Variants in SCHIP1 observed in about 807,000 individuals in gnomAD.
SCHIP1 encodes the protein schwannomin-interacting protein 1.
A neutral mutation model predicts 29.7 loss-of-function variants in SCHIP1; 8 were observed. The ratio of observed to expected loss-of-function variants is 0.27; its 90% CI spans 0.16 to 0.49. The LOEUF (loss-of-function observed/expected upper bound fraction) is 0.49. SCHIP1 is among the 20% of genes least tolerant of loss of function. The pLI is 0.99. For missense variants in SCHIP1, 193 were observed against 294.6 expected (o/e 0.66, Z 2.52); for synonymous variants, 76 against 94.9 (o/e 0.80, Z 1.16).
exon 1 of SCHIP1, chr3:159,840,062 T>A: frequency 1.8e-5 from 27 of 1,500,286 alleles, no homozygotes; most frequent in Non-Finnish European, 2.4e-5. Flanking sequence ...TCCATTTTAA[T>A]CTGCGGGGAG....
At chr3:159,822,576 G>T in the SCHIP1 span, among the ~76,000 whole-genome samples, 1 of 150,876 alleles carries the variant, frequency 6.6e-6, no homozygotes, top group Non-Finnish European at 1.5e-5. Context: ...CCAAAATTTT[G>T]CAGGGACCAT....
At chr3:159,550,868 GAGA>G in the SCHIP1 span, among the ~76,000 whole-genome samples, 1 of 152,116 alleles carries the variant, frequency 6.6e-6, no homozygotes, top group African/African-American at 2.4e-5. Flanking sequence ...CAGCCTCAAT[GAGA>G]AATTAATGTC....
the SCHIP1 span, among the ~76,000 whole-genome samples, chr3:159,373,484 A>ATTATT: frequency 2.2e-4 from 33 of 152,146 alleles, no homozygotes; most frequent in African/African-American, 7.2e-4. Context: ...ATAATACATT[A>ATTATT]TTATTTATTG....
At chr3:159,307,507 A>C in the SCHIP1 span, among the ~76,000 whole-genome samples, 1 of 152,222 alleles carries the variant, frequency 6.6e-6, no homozygotes, top group East Asian at 1.9e-4. Context: ...TGGGTAGAAA[A>C]ACTGTGGCTT....
At chr3:159,315,197 C>CTTTT in the SCHIP1 span, among the ~76,000 whole-genome samples, 1 of 91,084 alleles carries the variant, frequency 1.1e-5, no homozygotes, top group African/African-American at 4.5e-5. Flanking sequence ...TTTAGGACTT[C>CTTTT]TTTTTTTTTT....
At chr3:159,286,050 A>G in the SCHIP1 span, among the ~76,000 whole-genome samples, 1 of 151,964 alleles carries the variant, frequency 6.6e-6, no homozygotes, top group Admixed American at 6.6e-5. Context: ...TATTTTATTC[A>G]TTGTGTTTAT....
chr3:159,828,470 T>TATAC, the SCHIP1 span, among the ~76,000 whole-genome samples: 1 of 141,246 alleles, frequency 7.1e-6, no homozygotes. Flanking sequence ...TATGTATATA[T>TATAC]ACACACACAT....
At chr3:159,496,833 T>C in the SCHIP1 span, among the ~76,000 whole-genome samples, 1 of 152,116 alleles carries the variant, frequency 6.6e-6, no homozygotes, top group African/African-American at 2.4e-5. Context: ...CTATTCACAA[T>C]AGCAAAGACT....
At chr3:159,882,859 GC>G (rs764394720) in intron 2 of SCHIP1, among the ~76,000 whole-genome samples, 17 of 152,292 alleles carry the variant, frequency 1.1e-4, no homozygotes, top group Middle Eastern at 3.4e-3. Context: ...TGGTTGCTGT[GC>G]AGCCTCCCGA....
chr3:159,837,488 C>T (rs1743775267), upstream of SCHIP1, among the ~76,000 whole-genome samples: 1 of 152,120 alleles, frequency 6.6e-6, no homozygotes, highest in African/African-American at 2.4e-5. Context: ...TTTGGTAGGC[C>T]AAGGTGGTTG....
chr3:159,515,375 G>A, the SCHIP1 span, among the ~76,000 whole-genome samples: 1 of 152,164 alleles, frequency 6.6e-6, no homozygotes, highest in African/African-American at 2.4e-5. Flanking sequence ...AGGAAGAAAG[G>A]AGTCATGTGC....
At chr3:159,510,201 A>T in the SCHIP1 span, among the ~76,000 whole-genome samples, 8 of 151,676 alleles carry the variant, frequency 5.3e-5, no homozygotes, top group Admixed American at 5.3e-4. Context: ...TTCTCTTCTC[A>T]TTTCATTTCA....
intron 2 of SCHIP1, among the ~76,000 whole-genome samples, chr3:159,879,775 A>G (rs1437915017): frequency 6.6e-6 from 1 of 152,178 alleles, no homozygotes; most frequent in Non-Finnish European, 1.5e-5. Context: ...ATTAGAACCA[A>G]CAGCCGTCTG....
the SCHIP1 span, among the ~76,000 whole-genome samples, chr3:159,701,741 T>C: frequency 6.6e-6 from 1 of 152,312 alleles, no homozygotes; most frequent in African/African-American, 2.4e-5. Flanking sequence ...GTAGTGGCCT[T>C]CTTAATCCTC....
chr3:159,320,781 A>C, the SCHIP1 span, among the ~76,000 whole-genome samples: 2 of 151,666 alleles, frequency 1.3e-5, no homozygotes, highest in African/African-American at 4.8e-5. Context: ...TCATAGATGC[A>C]CTTTCAATAA....
At chr3:159,715,794 T>C in the SCHIP1 span, among the ~76,000 whole-genome samples, 3 of 152,138 alleles carry the variant, frequency 2.0e-5, no homozygotes, top group African/African-American at 7.2e-5. Flanking sequence ...CTGAAAGTGA[T>C]GGGGAGAATG....
At chr3:159,760,025 G>A in the SCHIP1 span, among the ~76,000 whole-genome samples, 1 of 111,226 alleles carries the variant, frequency 9.0e-6, no homozygotes, top group Non-Finnish European at 1.7e-5. Context: ...TCCTACTGAT[G>A]ACAAAATAAA....
chr3:159,310,229 C>G, the SCHIP1 span, among the ~76,000 whole-genome samples: 1 of 152,078 alleles, frequency 6.6e-6, no homozygotes, highest in Non-Finnish European at 1.5e-5. Context: ...GCAGGAGATA[C>G]ATGGGAACAA....
rs368397726 is a variant in SCHIP1, at chr3:159,859,828, G to A, written c.31-6335G>A. On this transcript the variant is annotated intron_variant, in intron 1 of 6. Coordinates refer to ENST00000445224, the Ensembl canonical transcript of SCHIP1. Reference sequence around the variant, plus strand: ...TATGCTAGCATCATCAACAGCATCTGGGAACTTGTTAGAAATGCACATTCT... The same window carrying A: ...TATGCTAGCATCATCAACAGCATCTAGGAACTTGTTAGAAATGCACATTCT... 3.0e-4 allele frequency among the ~76,000 whole-genome samples: 45 copies of A among 152,306 alleles called. No homozygotes were observed. In the South Asian group the frequency reaches 5.8e-3, roughly 20 times the overall value.
Sources: gnomAD v4.1 joint callset for allele counts (sites outside exome capture counted in the v4.1 genomes callset) on GRCh38, gnomAD v4.1.1 for gene constraint, MANE v1.5 for transcripts, NCBI Gene and HGNC (gene_info 2026-07-23, HGNC 2026-07-21) for gene names.